The following ZNF407 variants were observed in gnomAD, a reference collection of about 807,000 sequenced individuals.
ZNF407 encodes zinc finger protein 407.
In ZNF407, 17 loss-of-function variants were observed where a neutral mutation model predicts 131.2. The observed-to-expected ratio is 0.13, with a 90% CI of 0.09 to 0.19. ZNF407 has a LOEUF of 0.19. Among genes scored for constraint, ZNF407 ranks in the 10% least tolerant of loss-of-function variants. ZNF407 has a pLI of 1.00. For synonymous variants in ZNF407, 1,156 were observed against 1,062.0 expected (o/e 1.09, Z -1.72); for missense variants, 2,681 against 2,830.6 (o/e 0.95, Z 1.20).
chr18:74,653,231 C>T (rs773063141), intron 3 of ZNF407, among the ~76,000 whole-genome samples: 2 of 151,714 alleles, frequency 1.3e-5, no homozygotes, highest in South Asian at 2.1e-4. Context: ...ATGAAGTTTT[C>T]TGTTTGGCTA....
At chr18:74,615,338 C>T in intron 1 of ZNF407, among the ~76,000 whole-genome samples, 1 of 152,226 alleles carries the variant, frequency 6.6e-6, no homozygotes, top group Admixed American at 6.5e-5. Flanking sequence ...AACTCCATCT[C>T]TACTAAAAAT....
intron 8 of ZNF407, among the ~76,000 whole-genome samples, chr18:74,954,406 T>C (rs1386234570): frequency 6.6e-6 from 1 of 152,174 alleles, no homozygotes; most frequent in African/African-American, 2.4e-5. Context: ...AATACAGATA[T>C]TATATTAAGC....
intron 8 of ZNF407, among the ~76,000 whole-genome samples, chr18:74,922,363 T>C (rs375721997): frequency 3.7e-4 from 56 of 152,258 alleles, no homozygotes; most frequent in African/African-American, 1.3e-3. Flanking sequence ...CTGCCTCCTT[T>C]CCAGGTGCAA....
chr18:74,777,951 G>T (rs566908958), intron 3 of ZNF407, among the ~76,000 whole-genome samples: 261 of 152,186 alleles, frequency 1.7e-3, no homozygotes, highest in African/African-American at 6.1e-3. Flanking sequence ...GCCCAGTGGC[G>T]CATGGCTTCA....
chr18:74,771,381 G>A (rs963964123), intron 3 of ZNF407, among the ~76,000 whole-genome samples: 11 of 152,022 alleles, frequency 7.2e-5, no homozygotes, highest in Admixed American at 3.9e-4. Context: ...AGGTTTTTCC[G>A]TATTGTTTAT....
At chr18:75,051,011 A>G (rs914329025) in intron 8 of ZNF407, among the ~76,000 whole-genome samples, 8 of 151,920 alleles carry the variant, frequency 5.3e-5, no homozygotes, top group African/African-American at 1.9e-4. Context: ...GGCCTATTAT[A>G]TGCCAAGCAC....
intron 1 of ZNF407, among the ~76,000 whole-genome samples, chr18:74,618,566 A>G (rs1416096983): frequency 6.6e-6 from 1 of 152,078 alleles, no homozygotes; most frequent in African/African-American, 2.4e-5. Flanking sequence ...ATGTATTTCC[A>G]TCTAAGGGCT....
intron 8 of ZNF407, among the ~76,000 whole-genome samples, chr18:75,018,303 TATATA>T (rs1398952415): frequency 6.6e-6 from 1 of 151,886 alleles, no homozygotes; most frequent in African/African-American, 2.4e-5. Context: ...TTGAAATACT[TATATA>T]ATAGGAGGAG....
chr18:74,608,589 C>G (rs935373740), intron 1 of ZNF407, among the ~76,000 whole-genome samples: 1 of 152,100 alleles, frequency 6.6e-6, no homozygotes, highest in Non-Finnish European at 1.5e-5. Flanking sequence ...TCAAGTGATC[C>G]GCCTGCCTTG....
At chr18:74,814,896 G>A (rs1411227052) in intron 4 of ZNF407, among the ~76,000 whole-genome samples, 2 of 151,728 alleles carry the variant, frequency 1.3e-5, no homozygotes, top group Non-Finnish European at 2.9e-5. Flanking sequence ...GATACATTAT[G>A]AAATATACAG....
intron 3 of ZNF407, among the ~76,000 whole-genome samples, chr18:74,661,162 G>A (rs1447155244): frequency 6.6e-6 from 1 of 152,054 alleles, no homozygotes; most frequent in African/African-American, 2.4e-5. Flanking sequence ...TAGTACAACA[G>A]GGTTACACTG....
intron 3 of ZNF407, among the ~76,000 whole-genome samples, chr18:74,665,287 A>T (rs1483141359): frequency 6.6e-6 from 1 of 152,174 alleles, no homozygotes; most frequent in Non-Finnish European, 1.5e-5. Flanking sequence ...GTTATTAGAG[A>T]TCATTAGCCA....
intron 8 of ZNF407, among the ~76,000 whole-genome samples, chr18:74,976,522 A>G (rs941219422): frequency 1.3e-5 from 2 of 152,214 alleles, no homozygotes; most frequent in Non-Finnish European, 2.9e-5. Context: ...AGTTAGGGCA[A>G]TTGGCACAAA....
At chr18:74,603,337 C>G (rs139708252) in intron 1 of ZNF407, among the ~76,000 whole-genome samples, 189 of 152,242 alleles carry the variant, frequency 1.2e-3, no homozygotes, top group African/African-American at 4.4e-3. Context: ...ATTGAAAAAC[C>G]AATGCATGCA....
chr18:74,884,430 G>T (rs1971280232), intron 6 of ZNF407, among the ~76,000 whole-genome samples: 1 of 152,136 alleles, frequency 6.6e-6, no homozygotes, highest in African/African-American at 2.4e-5. Flanking sequence ...ATACAGATTT[G>T]AATCATCTGT....
At position 74,633,088 on chromosome 18, in the gene ZNF407, G is replaced by A; in HGVS notation, c.2069G>A (p.Arg690Lys). The part of the protein sequence containing the change: ...KASQEEPLKS[R>K]VSHGNEVRHS... ...TCTCAGGAAGAACCTCTGAAGTCCAGGGTAAGCCATGGTAATGAAGTGAGG... is the reference window on the plus strand; with the variant it reads ...TCTCAGGAAGAACCTCTGAAGTCCAAGGTAAGCCATGGTAATGAAGTGAGG... Residue 690 changes from arginine (R) to lysine (K), a missense_variant, in exon 2 of 9, where the codon AGG becomes AAG. Arg to Lys is a conservative substitution (Grantham distance 26). Coordinates refer to ENST00000299687, the MANE Select transcript of ZNF407 (RefSeq NM_017757.3). 6.2e-7 allele frequency: 1 copy of A among 1,613,874 alleles called. No homozygotes were observed. Among genetic ancestry groups the A allele is most frequent in the South Asian group, 1.1e-5 (1 of 91,056 alleles).
chr18:74,632,625 G>A lies in ZNF407; in HGVS notation c.1606G>A (p.Val536Ile), dbSNP rs371184174. The change falls in exon 2 of 9, where the codon GTA becomes ATA. Residue 536 changes from valine to isoleucine, a missense_variant. Around this residue, in one of 6 missense-constraint regions of ZNF407, gnomAD observed 1,789 missense variants for 1,748.7 expected, o/e 1.02. Transcript: ENST00000299687. ...GTGTGCTTGTACAGACTGTGGGCAA[G>A]TAGCTACAAATAGGACAGATTTGGA... ...TLCACTDCGQ[V>I]ATNRTDLEIH... The A allele has an allele frequency of 1.2e-6, 2 of 1,613,944 alleles. No individual in the cohort carries two copies. The highest frequency in any genetic ancestry group is 2.7e-5 in the African/African-American group (2 of 74,956).
chr18:74,844,680 G>T (rs936176932), intron 4 of ZNF407, among the ~76,000 whole-genome samples: 28 of 151,922 alleles, frequency 1.8e-4, no homozygotes, highest in Admixed American at 5.2e-4. Flanking sequence ...ATATAAATTT[G>T]TAAAAATTAC....
chr18:74,622,439 C>T (rs1182638266), intron 1 of ZNF407, among the ~76,000 whole-genome samples: 1 of 152,232 alleles, frequency 6.6e-6, no homozygotes, highest in Non-Finnish European at 1.5e-5. Context: ...TCCGGCCTTG[C>T]CCTGCGAGGA....
Sources: gnomAD v4.1 joint callset for allele counts (sites outside exome capture counted in the v4.1 genomes callset) on GRCh38, gnomAD v4.1.1 for gene constraint, gnomAD v4.1.1 regional missense constraint, MANE v1.5 for transcripts, NCBI Gene and HGNC (gene_info 2026-07-23, HGNC 2026-07-21) for gene names.